The following BCKDHA variants were observed in gnomAD, a reference collection of about 807,000 sequenced individuals.
BCKDHA encodes the protein 2-oxoisovalerate dehydrogenase subunit alpha, mitochondrial.
In BCKDHA, 43 loss-of-function variants were observed where a neutral mutation model predicts 52.2. The observed-to-expected ratio is 0.82, with a 90% CI of 0.64 to 1.06. The LOEUF is 1.06. Among genes scored for constraint, BCKDHA ranks in the 50% least tolerant of loss-of-function variants. The pLI is 0.00. For missense variants in BCKDHA, 527 were observed against 621.3 expected (o/e 0.85, Z 1.61); for synonymous variants, 234 against 247.9 (o/e 0.94, Z 0.53).
rs2039339822 is a variant in BCKDHA, at chr19:41,419,311, C to T, written c.646+15C>T. The T allele has an allele frequency of 6.2e-7, 1 of 1,608,020 alleles. No homozygotes were observed. Among genetic ancestry groups the T allele is most frequent in the East Asian group, 2.2e-5 (1 of 44,580 alleles). On this transcript the variant is annotated intron_variant, in intron 5 of 8. Transcript: ENST00000269980. ...GATCCCTCAGGGTGAGGATGCATGC[C>T]CTGTACCTTGCACATGTGCAGACCA...
At chr19:41,407,674 C>G (rs558414738) in intron 1 of BCKDHA, among the ~76,000 whole-genome samples, 5 of 152,310 alleles carry the variant, frequency 3.3e-5, no homozygotes, top group Admixed American at 2.0e-4. Flanking sequence ...GAACATGCTA[C>G]CCCGCTAGAA....
At position 41,397,858 on chromosome 19, in the gene BCKDHA, T is replaced by A; in HGVS notation, c.31T>A (p.Trp11Arg). Residue 11 changes from tryptophan to arginine, a missense_variant, in exon 1 of 9, where the codon TGG becomes AGG. Coordinates refer to ENST00000269980, the MANE Select transcript of BCKDHA (RefSeq NM_000709.4). MAVAIAAARVWRLNRGLSQAA... is the reference protein window; with the variant it reads MAVAIAAARVRRLNRGLSQAA... ...GGTAGCGATCGCTGCAGCGAGGGTC[T>A]GGCGGCTAAACCGTGGTTTGAGCCA... 4 of 1,614,198 alleles carry A rather than the reference T, an allele frequency of 2.5e-6. No homozygotes were observed. The highest frequency in any genetic ancestry group is 3.4e-6 in the Non-Finnish European group (4 of 1,180,046).
intron 1 of BCKDHA, among the ~76,000 whole-genome samples, chr19:41,409,170 A>G (rs186534086): frequency 8.5e-4 from 130 of 152,138 alleles, no homozygotes; most frequent in South Asian, 1.9e-3. Flanking sequence ...GGCTGGTCTC[A>G]GCCTCCCGAA....
intron 4 of BCKDHA, 51 bp from the exon 5 acceptor site, chr19:41,419,084 C>T: frequency 6.2e-7 from 1 of 1,606,056 alleles, no homozygotes; most frequent in Non-Finnish European, 8.5e-7. Context: ...CAGGGCTGAA[C>T]TGTCCCCCTG....
chr19:41,422,706 A>G lies in BCKDHA; in HGVS notation c.931A>G (p.Lys311Glu). ...NDVFAVYNAT[K>E]EARRRAVAEN... ...TGTGTTTGCCGTATACAACGCCACA[A>G]AGGAGGCCCGACGGCGGGCTGTGGC... is the stretch of plus-strand genomic sequence containing the variant. Residue 311 changes from lysine (K) to glutamate (E), a missense_variant, in exon 7 of 9, where the codon AAG becomes GAG. Coordinates refer to ENST00000269980, the MANE Select transcript of BCKDHA (RefSeq NM_000709.4). The G allele has an allele frequency of 6.2e-7, 1 of 1,614,040 alleles. No homozygotes were observed. The highest frequency in any genetic ancestry group is 8.5e-7 in the Non-Finnish European group (1 of 1,180,008).
At chr19:41,418,863 T>C (rs2039334158) in intron 4 of BCKDHA, 1 of 466,500 alleles carries the variant, frequency 2.1e-6, no homozygotes, top group Non-Finnish European at 4.0e-6. Flanking sequence ...ATGGTTAGAA[T>C]ATTTCTTAAA....
At chr19:41,422,406 G>A (rs2039377623) in intron 6 of BCKDHA, 36 bp downstream of exon 6, 1 of 1,612,002 alleles carries the variant, frequency 6.2e-7, no homozygotes, top group Non-Finnish European at 8.5e-7. Flanking sequence ...ACCCCGCTGG[G>A]ATCATCTCCT....
chr19:41,400,273 T>A (rs1455644047), intron 1 of BCKDHA: 1 of 149,990 alleles, frequency 6.7e-6, no homozygotes, highest in African/African-American at 2.5e-5. Flanking sequence ...GGAGTCTTGC[T>A]CTGTCACCCA....
chr19:41,404,581 G>A (rs895156870), intron 1 of BCKDHA, among the ~76,000 whole-genome samples: 14 of 149,422 alleles, frequency 9.4e-5, no homozygotes, highest in South Asian at 2.1e-4. Context: ...GAGCCACCAC[G>A]CCCAGCCTAA....
At chr19:41,401,144 T>C (rs1174788452) in intron 1 of BCKDHA, among the ~76,000 whole-genome samples, 1 of 152,022 alleles carries the variant, frequency 6.6e-6, no homozygotes, top group Non-Finnish European at 1.5e-5. Flanking sequence ...TGGCATGATC[T>C]TGGCTCACCA....
intron 1 of BCKDHA, among the ~76,000 whole-genome samples, chr19:41,408,044 C>T (rs2123249429): frequency 6.6e-6 from 1 of 151,756 alleles, no homozygotes; most frequent in Non-Finnish European, 1.5e-5. Flanking sequence ...CAGCCTCATC[C>T]TTCCAGGTTC....
At position 41,424,697 on chromosome 19, in the gene BCKDHA, C is replaced by G. The variant is rs779317957; in HGVS notation, c.*89C>G. On this transcript the variant is annotated 3_prime_UTR_variant, in exon 9 of 9. Transcript: ENST00000269980. ...AGCAGGGGGACCTGACAGCACACCACTGTCTTCCCCAGTCAGCTCCCTCTA... is the reference window on the plus strand; with the variant it reads ...AGCAGGGGGACCTGACAGCACACCAGTGTCTTCCCCAGTCAGCTCCCTCTA... The G allele has an allele frequency of 1.1e-5, 15 of 1,407,446 alleles. No homozygotes were observed. In the East Asian group the frequency reaches 3.3e-4, roughly 31 times the overall value. 87.2% of individuals were successfully genotyped at this position (1,407,446 alleles called of 1,614,324 possible).
intron 5 of BCKDHA, among the ~76,000 whole-genome samples, 199 bp downstream of exon 5, chr19:41,419,495 G>T (rs1033685259): frequency 1.3e-5 from 2 of 152,202 alleles, no homozygotes; most frequent in Non-Finnish European, 2.9e-5. Context: ...AGGCTAGAGT[G>T]CAGTGGTGCT....
intron 5 of BCKDHA, among the ~76,000 whole-genome samples, chr19:41,421,272 C>G (rs550049265): frequency 1.3e-5 from 2 of 152,192 alleles, no homozygotes; most frequent in African/African-American, 4.8e-5. Context: ...ACGCAAACCT[C>G]AGCCCTCCTG....
At chr19:41,409,091 A>C (rs2039224313) in intron 1 of BCKDHA, among the ~76,000 whole-genome samples, 1 of 152,120 alleles carries the variant, frequency 6.6e-6, no homozygotes, top group Non-Finnish European at 1.5e-5. Flanking sequence ...CTGGGATTAC[A>C]GGTGTGCGCA....
intron 1 of BCKDHA, among the ~76,000 whole-genome samples, chr19:41,405,890 C>T (rs1283689645): frequency 1.3e-5 from 2 of 152,186 alleles, no homozygotes; most frequent in South Asian, 2.1e-4. Flanking sequence ...TGGGAGAGGA[C>T]GTGGCATGAA....
intron 1 of BCKDHA, among the ~76,000 whole-genome samples, chr19:41,404,945 C>T (rs1367451938): frequency 6.6e-6 from 1 of 152,150 alleles, no homozygotes; most frequent in Non-Finnish European, 1.5e-5. Context: ...GTCAACTTGA[C>T]ACTTTTTTGT....
chr19:41,418,895 C>A, intron 4 of BCKDHA: 1 of 531,264 alleles, frequency 1.9e-6, no homozygotes, highest in Non-Finnish European at 3.4e-6. Context: ...TAGTTGAAAG[C>A]ACTTAAATAC....
rs768230182 is a variant in BCKDHA at position 41,397,849 on chromosome 19, G to C, written c.22G>C (p.Ala8Pro). 6.8e-5 allele frequency: 109 copies of C among 1,614,192 alleles called. No homozygotes were observed. In the South Asian group the frequency reaches 8.6e-4, roughly 13 times the overall value. ...CAAGATGGCGGTAGCGATCGCTGCAGCGAGGGTCTGGCGGCTAAACCGTGG... is the reference window on the plus strand; with the variant it reads ...CAAGATGGCGGTAGCGATCGCTGCACCGAGGGTCTGGCGGCTAAACCGTGG... Reference protein sequence around the residue: MAVAIAAARVWRLNRGLS... With the variant: MAVAIAAPRVWRLNRGLS... The change falls in exon 1 of 9, where the codon GCG becomes CCG. Residue 8 changes from alanine to proline, a missense_variant. By Grantham distance (27) the Ala-to-Pro change is conservative. Coordinates refer to ENST00000269980, the MANE Select transcript of BCKDHA (RefSeq NM_000709.4).
Sources: allele counts gnomAD v4.1 joint callset (sites outside exome capture counted in the v4.1 genomes callset), GRCh38; gene constraint gnomAD v4.1.1; transcripts MANE v1.5; gene names NCBI Gene and HGNC (gene_info 2026-07-23, HGNC 2026-07-21).